The following GLRA3 variants were observed in gnomAD, a reference collection of about 807,000 sequenced individuals.
The protein encoded by GLRA3 is glycine receptor subunit alpha-3.
GLRA3 carries 44 observed loss-of-function variants against 60.4 expected under a neutral mutation model. The observed-to-expected ratio is 0.73, with a 90% CI of 0.57 to 0.94. GLRA3 has a LOEUF of 0.94. GLRA3 is among the 40% of genes least tolerant of loss of function. The pLI is 0.00. For synonymous variants in GLRA3, 223 were observed against 192.9 expected (o/e 1.16, Z -1.29); for missense variants, 508 against 564.6 (o/e 0.90, Z 1.02).
chr4:174,685,009 A>AAAAAC (rs1230665427), intron 5 of GLRA3, among the ~76,000 whole-genome samples: 1 of 152,166 alleles, frequency 6.6e-6, no homozygotes, highest in Non-Finnish European at 1.5e-5. Flanking sequence ...CCCTGTCTCA[A>AAAAAC]AAAACAAAAC....
intron 1 of GLRA3, among the ~76,000 whole-genome samples, chr4:174,817,731 C>G (rs1740567051): frequency 6.6e-6 from 1 of 152,080 alleles, no homozygotes; most frequent in African/African-American, 2.4e-5. Flanking sequence ...CTCAGCCTCC[C>G]TAGTAGCTGG....
intron 5 of GLRA3, among the ~76,000 whole-genome samples, chr4:174,711,252 C>T (rs890706647): frequency 7.9e-5 from 12 of 151,432 alleles, no homozygotes; most frequent in Non-Finnish European, 1.8e-4. Context: ...TTTCCATATG[C>T]TGAAAACAAA....
intron 9 of GLRA3, among the ~76,000 whole-genome samples, chr4:174,650,952 A>G (rs1427622736): frequency 6.6e-6 from 1 of 152,228 alleles, no homozygotes; most frequent in East Asian, 1.9e-4. Context: ...GACAAGTGCT[A>G]ACACATAGCT....
intron 6 of GLRA3, 75 bp from the exon 7 acceptor site, chr4:174,677,367 C>CTTT: frequency 2.7e-6 from 2 of 730,130 alleles, no homozygotes; most frequent in Non-Finnish European, 4.4e-6. Context: ...CACAATTTCT[C>CTTT]TTTTTTTTTT....
chr4:174,695,775 A>G (rs528952782), intron 5 of GLRA3, among the ~76,000 whole-genome samples: 1 of 152,256 alleles, frequency 6.6e-6, no homozygotes, highest in African/African-American at 2.4e-5. Context: ...AGGATATCCA[A>G]ATAGGAAGAG....
chr4:174,801,262 A>G (rs1043355319), intron 1 of GLRA3, among the ~76,000 whole-genome samples: 7 of 152,016 alleles, frequency 4.6e-5, no homozygotes, highest in Non-Finnish European at 8.8e-5. Flanking sequence ...AGCTAAATCC[A>G]ATTAATTCAT....
intron 2 of GLRA3, among the ~76,000 whole-genome samples, chr4:174,776,421 T>C (rs1738602804): frequency 2.6e-5 from 4 of 152,080 alleles, no homozygotes; most frequent in Admixed American, 1.3e-4. Flanking sequence ...AAACTAGTGG[T>C]TTAAAGAGAA....
chr4:174,772,047 GAGCA>G (rs1399887951), intron 2 of GLRA3, among the ~76,000 whole-genome samples: 4 of 152,110 alleles, frequency 2.6e-5, no homozygotes, highest in Non-Finnish European at 5.9e-5. Context: ...GTCTTTGGAG[GAGCA>G]AACTTCTGAT....
At chr4:174,752,896 C>T (rs1366896863) in intron 3 of GLRA3, among the ~76,000 whole-genome samples, 1 of 152,014 alleles carries the variant, frequency 6.6e-6, no homozygotes, top group Non-Finnish European at 1.5e-5. Context: ...CAAGAAACTA[C>T]TAAAATTTTT....
At chr4:174,720,556 T>A (rs1736092096) in intron 4 of GLRA3, among the ~76,000 whole-genome samples, 1 of 152,170 alleles carries the variant, frequency 6.6e-6, no homozygotes, top group Non-Finnish European at 1.5e-5. Context: ...GGCTGGGAGA[T>A]ATATTTCTCC....
In GLRA3 at chr4:174,642,957, C is replaced by G. The variant is rs1732667228; in HGVS notation, c.*829G>C. 1 of 819,102 alleles carries G rather than the reference C, an allele frequency of 1.2e-6. No individual in the cohort carries two copies. The highest frequency in any genetic ancestry group is 6.2e-5 in the Admixed American group (1 of 16,044). The allele number at this position is 819,102 out of a possible 1,614,324, so 50.7% of individuals were successfully genotyped here. On this transcript the variant is annotated 3_prime_UTR_variant, in exon 10 of 10. Transcript: ENST00000274093. ...TATATCAAATTATTAAACACAATCACATACAGTTAAGTAGCTATTAAAAGT... is the reference window on the plus strand; with the variant it reads ...TATATCAAATTATTAAACACAATCAGATACAGTTAAGTAGCTATTAAAAGT...
Position 174,676,439 on chromosome 4 carries a change from A to G in GLRA3, c.927+639T>C, listed in dbSNP as rs944940556. On this transcript the variant is annotated intron_variant, in intron 7 of 9. Coordinates refer to ENST00000274093, the MANE Select transcript of GLRA3 (RefSeq NM_006529.4). ...TCTGGAAATAAATTTGGCAATACAT[A>G]TCAATGCATATGGCTATCACTGCAG... 6.4e-4 allele frequency among the ~76,000 whole-genome samples: 97 copies of G among 152,292 alleles called. 1 individual carries two copies. Among genetic ancestry groups the G allele is most frequent in the African/African-American group, 2.0e-3 (84 of 41,590 alleles).
rs1282092944 is a variant in GLRA3, at chr4:174,639,184, GT to G, written c.*4601del. 2.0e-5 allele frequency: 3 copies of G among 152,138 alleles called. No homozygotes were observed. The highest frequency in any genetic ancestry group is 4.8e-5 in the African/African-American group (2 of 41,428). The allele number at this position is 152,138 out of a possible 1,614,324, so 9.4% of individuals were successfully genotyped here. A position where few individuals can be genotyped will look rare whatever the true frequency, so the allele number is the denominator to read the frequency against. The stretch of plus-strand genomic sequence containing the variant: ...TTGATCCAGTTAGCTTTGTTTATGT[GT>G]TTTTGAGGCAAAAGATTGTTGCATG... On this transcript the variant is annotated 3_prime_UTR_variant, in exon 10 of 10. Coordinates refer to ENST00000274093, the MANE Select transcript of GLRA3 (RefSeq NM_006529.4).
intron 4 of GLRA3, among the ~76,000 whole-genome samples, chr4:174,725,177 G>A (rs1736273993): frequency 1.3e-5 from 2 of 152,158 alleles, no homozygotes; most frequent in African/African-American, 4.8e-5. Flanking sequence ...GATCCCTGAG[G>A]CTGTTTCCCA....
chr4:174,808,137 T>C (rs1328413680), intron 1 of GLRA3, among the ~76,000 whole-genome samples: 1 of 151,852 alleles, frequency 6.6e-6, no homozygotes, highest in Non-Finnish European at 1.5e-5. Flanking sequence ...AGAAAATAAA[T>C]ATTTGAAAAA....
intron 4 of GLRA3, among the ~76,000 whole-genome samples, chr4:174,724,420 C>T (rs900035518): frequency 6.6e-6 from 1 of 152,082 alleles, no homozygotes; most frequent in African/African-American, 2.4e-5. Context: ...CACAGAAGGG[C>T]TATTAGACAG....
At chr4:174,784,235 C>A (rs1362488030) in intron 2 of GLRA3, among the ~76,000 whole-genome samples, 1 of 110,692 alleles carries the variant, frequency 9.0e-6, no homozygotes, top group African/African-American at 3.3e-5. Context: ...CCAAACACCG[C>A]ATATTCTCAC....
chr4:174,721,007 T>TTGTG (rs10639932), intron 4 of GLRA3, among the ~76,000 whole-genome samples: 3,903 of 141,444 alleles, frequency 0.028, 54 homozygotes, highest in Middle Eastern at 0.036. Flanking sequence ...TGTGTGAACT[T>TTGTG]TGTGTGTGTG....
chr4:174,666,739 AATATATATATATATATATATTATAT>A (rs957335501), intron 7 of GLRA3, among the ~76,000 whole-genome samples: 5 of 134,170 alleles, frequency 3.7e-5, no homozygotes, highest in African/African-American at 8.1e-5. Context: ...CTCAAATAAG[AATATATATATATATATATATTATAT>A]ATATATATAT....
Sources: gnomAD v4.1 joint callset for allele counts (sites outside exome capture counted in the v4.1 genomes callset) on GRCh38, gnomAD v4.1.1 for gene constraint, MANE v1.5 for transcripts, NCBI Gene and HGNC (gene_info 2026-07-23, HGNC 2026-07-21) for gene names.